The following ZNF676 variants were observed in gnomAD, a reference collection of about 807,000 sequenced individuals.
The protein encoded by ZNF676 is zinc finger protein 676.
A neutral mutation model predicts 6.0 loss-of-function variants in ZNF676; 4 were observed. That is an observed-to-expected ratio of 0.67 (90% CI 0.33 to 1.53). The LOEUF is 1.53. Among genes scored for constraint, ZNF676 ranks in the 40% most tolerant of loss-of-function variants. The pLI is 0.06. For missense variants in ZNF676, 644 were observed against 679.7 expected (o/e 0.95, Z 0.58); for synonymous variants, 198 against 223.1 (o/e 0.89, Z 1.00).
the ZNF676 span, among the ~76,000 whole-genome samples, chr19:22,246,585 C>T: frequency 7.9e-4 from 116 of 146,036 alleles, no homozygotes; most frequent in Non-Finnish European, 1.1e-3. Context: ...AGGTGCAAGT[C>T]TCTGGTATGA....
intron 1 of ZNF676, among the ~76,000 whole-genome samples, chr19:22,215,030 G>T (rs1599720588): frequency 8.9e-6 from 1 of 112,340 alleles, no homozygotes; most frequent in East Asian, 3.0e-4. Context: ...GACAGAGCGA[G>T]ACTCCATCTC....
the ZNF676 span, chr19:22,244,505 A>G: frequency 1.3e-5 from 2 of 152,208 alleles, no homozygotes; most frequent in Admixed American, 6.5e-5. Flanking sequence ...CACAATCCCA[A>G]CTATAAGTAG....
upstream of ZNF676, among the ~76,000 whole-genome samples, chr19:22,217,960 T>A (rs368077849): frequency 1.5e-3 from 234 of 151,944 alleles, 1 homozygote; most frequent in African/African-American, 5.2e-3. Flanking sequence ...CGTCTTGGTC[T>A]CCCAGAGTGC....
In ZNF676 at chr19:22,196,507, C is replaced by T. The variant is rs565125333; in HGVS notation, c.34+93G>A. 3.1e-4 allele frequency: 503 copies of T among 1,601,482 alleles called. 3 individuals carry two copies. In the African/African-American group the frequency reaches 5.8e-3, roughly 18 times the overall value. ...ACTCTTTTGTCTTTGTCTGTATTCTCGCATTCATCCTCCTTTGTTCAGTCC... is the reference window on the plus strand; with the variant it reads ...ACTCTTTTGTCTTTGTCTGTATTCTTGCATTCATCCTCCTTTGTTCAGTCC... On this transcript the variant is annotated intron_variant, in intron 1 of 2. Transcript: ENST00000397121.
chr19:22,258,734 A>G, the ZNF676 span, among the ~76,000 whole-genome samples: 1 of 152,106 alleles, frequency 6.6e-6, no homozygotes, highest in African/African-American at 2.4e-5. Flanking sequence ...AGTGTTCCCT[A>G]TGGGCAATGC....
At chr19:22,245,665 C>T in the ZNF676 span, among the ~76,000 whole-genome samples, 1 of 151,944 alleles carries the variant, frequency 6.6e-6, no homozygotes, top group Non-Finnish European at 1.5e-5. Context: ...TATCACAATC[C>T]CTAATTCAAG....
the ZNF676 span, among the ~76,000 whole-genome samples, chr19:22,236,189 T>G: frequency 2.6e-5 from 4 of 151,962 alleles, no homozygotes; most frequent in Non-Finnish European, 5.9e-5. Flanking sequence ...TGGCTTCCAT[T>G]TGGCTTTTCC....
chr19:22,256,445 A>G, the ZNF676 span, among the ~76,000 whole-genome samples: 2 of 152,048 alleles, frequency 1.3e-5, no homozygotes, highest in African/African-American at 4.8e-5. Flanking sequence ...GAGCCCAGTG[A>G]TATGTCACAA....
intron 2 of ZNF676, among the ~76,000 whole-genome samples, chr19:22,187,570 T>C (rs1260547005): frequency 6.7e-6 from 1 of 149,296 alleles, no homozygotes; most frequent in Non-Finnish European, 1.5e-5. Context: ...AATCAGTGAA[T>C]CCAGGAGCTA....
intron 1 of ZNF676, among the ~76,000 whole-genome samples, chr19:22,209,175 C>T (rs1447085724): frequency 2.6e-5 from 4 of 151,812 alleles, no homozygotes; most frequent in Non-Finnish European, 4.4e-5. Context: ...TGTGGCAGAA[C>T]TGCTTGAACC....
At chr19:22,236,859 C>T in the ZNF676 span, among the ~76,000 whole-genome samples, 1 of 152,192 alleles carries the variant, frequency 6.6e-6, no homozygotes, top group African/African-American at 2.4e-5. Context: ...TGCCGTTTAG[C>T]CTCTGCTGTC....
rs750271616 is a variant in ZNF676 at position 22,180,806 on chromosome 19, G to T, written c.911C>A (p.Thr304Asn). Residue 304 changes from threonine (T) to asparagine (N), a missense_variant, in exon 3 of 3, where the codon ACT (threonine) becomes AAT (asparagine). Physicochemically the swap from Thr to Asn is moderately conservative, Grantham distance 65. Around this residue, in one of 5 missense-constraint regions of ZNF676, gnomAD observed 28 missense variants for 83.7 expected, o/e 0.33. Transcript: ENST00000397121. ...SKLMEHKRIH[T>N]GEKPYKCEEC... ...TTCACACTTGTAGGGTTTCTCTCCA[G>T]TATGAATTCTCTTATGTTCCATGAG... The T allele has an allele frequency of 6.3e-7, 1 of 1,594,336 alleles. No individual in the cohort carries two copies. Among genetic ancestry groups the T allele is most frequent in the Non-Finnish European group, 8.6e-7 (1 of 1,163,882 alleles).
intron 2 of ZNF676, among the ~76,000 whole-genome samples, chr19:22,183,060 G>T (rs28760999): frequency 0.42 from 64,359 of 151,790 alleles, 14,457 homozygotes; most frequent in African/African-American, 0.58. Context: ...TTTTTCACCT[G>T]ATTAAAATAT....
At chr19:22,232,611 T>C in the ZNF676 span, among the ~76,000 whole-genome samples, 4 of 152,258 alleles carry the variant, frequency 2.6e-5, no homozygotes, top group South Asian at 8.3e-4. Flanking sequence ...AATATCAGGA[T>C]ACACAGCCTT....
the ZNF676 span, among the ~76,000 whole-genome samples, chr19:22,232,630 C>T: frequency 2.3e-3 from 348 of 152,146 alleles, 7 homozygotes; most frequent in East Asian, 0.058. Flanking sequence ...TTCCCAACAG[C>T]TCATAAAACA....
At chr19:22,207,684 T>C (rs146946751) in intron 1 of ZNF676, among the ~76,000 whole-genome samples, 1,745 of 152,282 alleles carry the variant, frequency 0.011, 15 homozygotes, top group Non-Finnish European at 0.021. Context: ...TTACATTACC[T>C]GACTTCAAAC....
chr19:22,187,481 T>C (rs533538723), intron 2 of ZNF676, among the ~76,000 whole-genome samples: 2 of 151,126 alleles, frequency 1.3e-5, no homozygotes, highest in East Asian at 3.9e-4. Flanking sequence ...ACAATCAAAT[T>C]CAAACCCTAG....
chr19:22,221,382 G>A, the ZNF676 span, among the ~76,000 whole-genome samples: 1 of 152,092 alleles, frequency 6.6e-6, no homozygotes, highest in Non-Finnish European at 1.5e-5. Flanking sequence ...GGTTTTGAGT[G>A]TTCCTATTTG....
chr19:22,254,978 G>T, the ZNF676 span, among the ~76,000 whole-genome samples: 1 of 152,232 alleles, frequency 6.6e-6, no homozygotes, highest in Non-Finnish European at 1.5e-5. Flanking sequence ...GCAAGATGGT[G>T]TAAGAATGAG....
Sources: gnomAD v4.1 joint callset for allele counts (sites outside exome capture counted in the v4.1 genomes callset) on GRCh38, gnomAD v4.1.1 for gene constraint, gnomAD v4.1.1 regional missense constraint, MANE v1.5 for transcripts, NCBI Gene and HGNC (gene_info 2026-07-23, HGNC 2026-07-21) for gene names.